BAG4: variants seen among roughly 807,000 people sequenced by gnomAD.
BAG4 encodes BAG cochaperone 4.
BAG4 carries 28 observed loss-of-function variants against 52.1 expected under a neutral mutation model. The observed-to-expected ratio is 0.54, with a 90% CI of 0.40 to 0.74. The LOEUF (loss-of-function observed/expected upper bound fraction) is 0.74. Among genes scored for constraint, BAG4 ranks in the 30% least tolerant of loss-of-function variants. The pLI is 0.00. For synonymous variants in BAG4, 208 were observed against 217.0 expected, an observed-to-expected ratio of 0.96 and a Z score of 0.37; for missense variants, 525 against 572.0, an observed-to-expected ratio of 0.92 and a Z score of 0.84.
At chr8:38,191,480 G>A (rs1238415830) in intron 1 of BAG4, among the ~76,000 whole-genome samples, 1 of 152,090 alleles carries the variant, frequency 6.6e-6, no homozygotes, top group East Asian at 1.9e-4. Flanking sequence ...TACTTGGGCG[G>A]GCACAGTGTG....
At chr8:38,182,169 T>C (rs1314186823) in intron 1 of BAG4, among the ~76,000 whole-genome samples, 2 of 152,216 alleles carry the variant, frequency 1.3e-5, no homozygotes, top group Non-Finnish European at 2.9e-5. Context: ...CCAAATGAGT[T>C]TGAAAAGTTA....
At chr8:38,188,232 AAAAC>A (rs1219677863) in intron 1 of BAG4, among the ~76,000 whole-genome samples, 1 of 152,094 alleles carries the variant, frequency 6.6e-6, no homozygotes, top group Admixed American at 6.6e-5. Context: ...AAGTAAAAAT[AAAAC>A]ATGTAAATCC....
At chr8:38,193,311 C>T (rs1370415388) in intron 2 of BAG4, among the ~76,000 whole-genome samples, 5 of 151,578 alleles carry the variant, frequency 3.3e-5, no homozygotes, top group Non-Finnish European at 5.9e-5. Flanking sequence ...CCCAGCTACT[C>T]GGGAGGCTGA....
At chr8:38,191,289 T>A (rs1240766295) in intron 1 of BAG4, among the ~76,000 whole-genome samples, 1 of 152,212 alleles carries the variant, frequency 6.6e-6, no homozygotes, top group African/African-American at 2.4e-5. Flanking sequence ...TGTTGATAAT[T>A]ATGATTACTG....
chr8:38,196,737 G>C (rs535528580), intron 2 of BAG4, among the ~76,000 whole-genome samples: 1 of 152,126 alleles, frequency 6.6e-6, no homozygotes, highest in Admixed American at 6.6e-5. Flanking sequence ...GCATCTTTTA[G>C]TGTGCTTATT....
At chr8:38,181,886 CAAAAAA>C (rs34268146) in intron 1 of BAG4, among the ~76,000 whole-genome samples, 18 of 37,242 alleles carry the variant, frequency 4.8e-4, no homozygotes, top group African/African-American at 1.7e-3. Context: ...GAGACTATCT[CAAAAAA>C]AAAAAAAAAA....
chr8:38,203,281 A>ATTTTTT (rs751296737), intron 2 of BAG4, among the ~76,000 whole-genome samples: 13 of 123,504 alleles, frequency 1.1e-4, no homozygotes, highest in Non-Finnish European at 1.9e-4. Flanking sequence ...GTCTTGAGGA[A>ATTTTTT]TTTTTTTTTT....
intron 2 of BAG4, among the ~76,000 whole-genome samples, chr8:38,205,129 CA>C (rs1398176988): frequency 2.7e-5 from 4 of 150,552 alleles, no homozygotes; most frequent in Non-Finnish European, 5.9e-5. Flanking sequence ...CTCCTAGGCT[CA>C]AACGATCCTC....
intron 2 of BAG4, among the ~76,000 whole-genome samples, chr8:38,199,081 CAT>C (rs1803615807): frequency 6.6e-6 from 1 of 152,164 alleles, no homozygotes; most frequent in African/African-American, 2.4e-5. Context: ...AAACCAGTAA[CAT>C]AGTCAATTAT....
At chr8:38,192,280 G>A (rs1047080859) in intron 1 of BAG4, among the ~76,000 whole-genome samples, 1 of 152,176 alleles carries the variant, frequency 6.6e-6, no homozygotes, top group Non-Finnish European at 1.5e-5. Context: ...TAATCATCTT[G>A]ATGTAGTAGA....
At chr8:38,180,594 T>C (rs1267771094) in intron 1 of BAG4, among the ~76,000 whole-genome samples, 1 of 151,828 alleles carries the variant, frequency 6.6e-6, no homozygotes, top group Non-Finnish European at 1.5e-5. Flanking sequence ...TCCAGATTTG[T>C]TATTTTGACT....
At chr8:38,206,677 A>G (rs1803773081) in intron 2 of BAG4, among the ~76,000 whole-genome samples, 1 of 152,244 alleles carries the variant, frequency 6.6e-6, no homozygotes, top group Admixed American at 6.5e-5. Context: ...AGATACGTTT[A>G]TGATCTTCAT....
intron 1 of BAG4, among the ~76,000 whole-genome samples, chr8:38,187,358 GAAGA>G (rs1319306993): frequency 6.6e-6 from 1 of 152,072 alleles, no homozygotes; most frequent in Non-Finnish European, 1.5e-5. Context: ...AGAACTGACA[GAAGA>G]AAGAATTCAT....
chr8:38,182,830 T>TA (rs1803293772), intron 1 of BAG4, among the ~76,000 whole-genome samples: 3 of 152,134 alleles, frequency 2.0e-5, no homozygotes, highest in Admixed American at 2.0e-4. Flanking sequence ...ACAAAGACAT[T>TA]ATTTTTTTCC....
chr8:38,195,541 T>C (rs1210400568), intron 2 of BAG4, among the ~76,000 whole-genome samples: 1 of 152,158 alleles, frequency 6.6e-6, no homozygotes, highest in Non-Finnish European at 1.5e-5. Context: ...TCCTCCCAAA[T>C]TGGCCTCTCA....
intron 1 of BAG4, among the ~76,000 whole-genome samples, chr8:38,191,007 G>C (rs544702909): frequency 6.6e-6 from 1 of 151,936 alleles, no homozygotes; most frequent in Non-Finnish European, 1.5e-5. Context: ...ATCCACCCGC[G>C]TCAGGCCTCC....
chr8:38,192,251 C>G (rs1240517904), intron 1 of BAG4, among the ~76,000 whole-genome samples: 2 of 152,156 alleles, frequency 1.3e-5, no homozygotes, highest in African/African-American at 4.8e-5. Context: ...TAGAGGTGAT[C>G]TAATGTCTCT....
chr8:38,193,979 T>C (rs1227668234), intron 2 of BAG4, among the ~76,000 whole-genome samples: 3 of 152,112 alleles, frequency 2.0e-5, no homozygotes, highest in African/African-American at 7.2e-5. Flanking sequence ...CCTGGTGATC[T>C]GCCTGCCTCG....
intron 1 of BAG4, among the ~76,000 whole-genome samples, chr8:38,186,810 C>A (rs1184958929): frequency 6.6e-6 from 1 of 152,152 alleles, no homozygotes; most frequent in Non-Finnish European, 1.5e-5. Context: ...GAAAGTCTTA[C>A]AAAAATCTTT....
Sources: allele counts gnomAD v4.1 joint callset (sites outside exome capture counted in the v4.1 genomes callset), GRCh38; gene constraint gnomAD v4.1.1; transcripts MANE v1.5; gene names NCBI Gene and HGNC (gene_info 2026-07-23, HGNC 2026-07-21).